Variants in LPP observed in about 807,000 individuals in gnomAD.
LPP encodes the protein LIM domain containing preferred translocation partner in lipoma, also known as lipoma-preferred partner.
Under a neutral mutation model 60.4 loss-of-function variants are expected in LPP, and 38 were observed. That is an observed-to-expected ratio of 0.63 (90% CI 0.49 to 0.83). The LOEUF (loss-of-function observed/expected upper bound fraction) is 0.83. Among genes scored for constraint, LPP ranks in the 40% least tolerant of loss-of-function variants. The pLI, the probability that LPP is intolerant of heterozygous loss-of-function variation, is 0.00. For missense variants in LPP, 902 were observed against 783.6 expected, an observed-to-expected ratio of 1.15 and a Z score of -1.80; for synonymous variants, 328 against 290.8, an observed-to-expected ratio of 1.13 and a Z score of -1.30.
chr3:188,455,891 AT>A (rs370305213), intron 4 of LPP, among the ~76,000 whole-genome samples: 103 of 152,090 alleles, frequency 6.8e-4, no homozygotes, highest in East Asian at 5.0e-3. Context: ...TTAAAAAAAA[AT>A]TTTTTTATTT....
At chr3:188,517,949 A>T (rs1455813886) in intron 5 of LPP, among the ~76,000 whole-genome samples, 3 of 152,098 alleles carry the variant, frequency 2.0e-5, no homozygotes, top group African/African-American at 7.2e-5. Flanking sequence ...CTGATTGTTT[A>T]AAAGAGTATA....
intron 9 of LPP, among the ~76,000 whole-genome samples, chr3:188,839,645 C>T (rs923730385): frequency 3.3e-5 from 5 of 152,006 alleles, no homozygotes; most frequent in South Asian, 2.1e-4. Flanking sequence ...GAGGCTGAGG[C>T]GGACAGATTA....
intron 3 of LPP, among the ~76,000 whole-genome samples, chr3:188,387,528 A>G (rs1230212945): frequency 1.3e-5 from 2 of 150,798 alleles, no homozygotes; most frequent in East Asian, 1.9e-4. Context: ...AATCTTATAT[A>G]TGATGTCTGA....
chr3:188,579,651 CTTT>C (rs10582877), intron 6 of LPP, among the ~76,000 whole-genome samples: 37 of 144,562 alleles, frequency 2.6e-4, no homozygotes, highest in African/African-American at 3.5e-4. Flanking sequence ...CTAAATCTCG[CTTT>C]TTTTTTTTTT....
intron 2 of LPP, among the ~76,000 whole-genome samples, chr3:188,340,726 A>G (rs1044336470): frequency 2.0e-5 from 3 of 152,170 alleles, no homozygotes; most frequent in African/African-American, 7.2e-5. Flanking sequence ...TTTTGATTTT[A>G]AAATCTTAAA....
intron 7 of LPP, among the ~76,000 whole-genome samples, chr3:188,702,845 C>A (rs1864752367): frequency 6.6e-6 from 1 of 152,134 alleles, no homozygotes; most frequent in South Asian, 2.1e-4. Flanking sequence ...TAGACTCAGA[C>A]TAAAATCCAA....
chr3:188,261,197 G>T (rs1375561067), intron 2 of LPP, among the ~76,000 whole-genome samples: 1 of 152,208 alleles, frequency 6.6e-6, no homozygotes, highest in African/African-American at 2.4e-5. Context: ...CATCCAGGCT[G>T]GAATGCAGCA....
intron 3 of LPP, among the ~76,000 whole-genome samples, chr3:188,395,757 T>A (rs1780795372): frequency 6.6e-6 from 1 of 151,470 alleles, no homozygotes; most frequent in Non-Finnish European, 1.5e-5. Flanking sequence ...ACAAAAAAAA[T>A]TAAAAAATTT....
chr3:188,466,471 TA>T (rs1376848436), intron 4 of LPP, among the ~76,000 whole-genome samples: 1 of 152,018 alleles, frequency 6.6e-6, no homozygotes, highest in East Asian at 1.9e-4. Context: ...TTCCTTGGAT[TA>T]ATAAAGCTTG....
At chr3:188,349,649 C>T (rs1765318701) in intron 3 of LPP, among the ~76,000 whole-genome samples, 1 of 152,164 alleles carries the variant, frequency 6.6e-6, no homozygotes, top group Non-Finnish European at 1.5e-5. Context: ...TCTTTCTTTC[C>T]AGATGCCTCC....
chr3:188,335,652 T>G (rs1364260708), intron 2 of LPP, among the ~76,000 whole-genome samples: 1 of 152,210 alleles, frequency 6.6e-6, no homozygotes, highest in Non-Finnish European at 1.5e-5. Flanking sequence ...AAATTGTCTA[T>G]CTGTATTTTC....
intron 2 of LPP, among the ~76,000 whole-genome samples, chr3:188,322,189 G>T (rs1757146195): frequency 6.6e-6 from 1 of 152,174 alleles, no homozygotes; most frequent in Non-Finnish European, 1.5e-5. Flanking sequence ...AGGTTGTGAG[G>T]ATAACAATGA....
intron 1 of LPP, among the ~76,000 whole-genome samples, chr3:188,165,314 G>A (rs1168004429): frequency 1.3e-5 from 2 of 152,068 alleles, no homozygotes; most frequent in African/African-American, 2.4e-5. Context: ...TAATTGGATG[G>A]TAACTCCCTA....
At chr3:188,844,762 GGC>G (rs1413652247) in intron 9 of LPP, among the ~76,000 whole-genome samples, 2 of 152,148 alleles carry the variant, frequency 1.3e-5, no homozygotes, top group African/African-American at 4.8e-5. Flanking sequence ...TTTTAATATT[GGC>G]CTGGCTACAT....
intron 4 of LPP, among the ~76,000 whole-genome samples, chr3:188,443,049 A>G (rs534411118): frequency 1.3e-5 from 2 of 152,340 alleles, no homozygotes; most frequent in East Asian, 3.9e-4. Flanking sequence ...AGACAGAGAC[A>G]TGTGGACAGG....
chr3:188,839,888 A>T (rs149834982), intron 9 of LPP, among the ~76,000 whole-genome samples: 1,750 of 152,252 alleles, frequency 0.011, 26 homozygotes, highest in African/African-American at 0.038. Flanking sequence ...AAAATAAAAT[A>T]AAATTAAATT....
At chr3:188,721,485 T>C (rs1716363805) in intron 8 of LPP, among the ~76,000 whole-genome samples, 1 of 152,016 alleles carries the variant, frequency 6.6e-6, no homozygotes, top group African/African-American at 2.4e-5. Context: ...GCACTGGAGG[T>C]CAACGGTGCA....
intron 9 of LPP, among the ~76,000 whole-genome samples, chr3:188,790,801 A>AC (rs1184120998): frequency 7.1e-6 from 1 of 140,650 alleles, no homozygotes; most frequent in Non-Finnish European, 1.5e-5. Context: ...AGCCTGGGCG[A>AC]CAGAGTGAGA....
chr3:188,203,526 A>C (rs1205268725), intron 1 of LPP, among the ~76,000 whole-genome samples: 4 of 32,462 alleles, frequency 1.2e-4, no homozygotes, highest in Non-Finnish European at 2.8e-4. Flanking sequence ...AATATATATA[A>C]ATATATATTT....
Sources: gnomAD v4.1 joint callset for allele counts (sites outside exome capture counted in the v4.1 genomes callset) on GRCh38, gnomAD v4.1.1 for gene constraint, MANE v1.5 for transcripts, NCBI Gene and HGNC (gene_info 2026-07-23, HGNC 2026-07-21) for gene names.